TENM3: variants seen among roughly 807,000 people sequenced by gnomAD.
TENM3 encodes the protein teneurin-3.
TENM3 carries 63 observed loss-of-function variants against 255.1 expected under a neutral mutation model. That is an observed-to-expected ratio of 0.25 (90% CI 0.20 to 0.30). The LOEUF is 0.30. TENM3 is among the 10% of genes least tolerant of loss of function. The pLI is 1.00. For missense variants in TENM3, 2,929 were observed against 3,461.1 expected (o/e 0.85, Z 3.86); for synonymous variants, 1,306 against 1,322.3 (o/e 0.99, Z 0.27).
chr4:182,384,472 G>A (rs1394832264), intron 3 of TENM3, among the ~76,000 whole-genome samples: 1 of 152,074 alleles, frequency 6.6e-6, no homozygotes, highest in South Asian at 2.1e-4. Flanking sequence ...TATACTTAGT[G>A]CCCCCAAAAT....
At chr4:181,455,153 A>G in the TENM3 span, among the ~76,000 whole-genome samples, 1 of 152,126 alleles carries the variant, frequency 6.6e-6, no homozygotes, top group Non-Finnish European at 1.5e-5. Context: ...ATAGGTTACT[A>G]AAAGACATGT....
At chr4:181,939,504 G>A in the TENM3 span, among the ~76,000 whole-genome samples, 2 of 152,228 alleles carry the variant, frequency 1.3e-5, no homozygotes, top group Non-Finnish European at 2.9e-5. Context: ...ACAGTCAGGC[G>A]TGCCTGTGAA....
chr4:182,742,559 G>C (rs1220089868), intron 18 of TENM3, among the ~76,000 whole-genome samples: 2 of 152,084 alleles, frequency 1.3e-5, no homozygotes, highest in Non-Finnish European at 1.5e-5. Context: ...TTCTACCTTT[G>C]TTTTCCACAA....
intron 12 of TENM3, among the ~76,000 whole-genome samples, chr4:182,705,009 G>C (rs1240442742): frequency 6.6e-6 from 1 of 152,040 alleles, no homozygotes; most frequent in Non-Finnish European, 1.5e-5. Flanking sequence ...TTGTTTTATG[G>C]TGTTTAAAAT....
intron 3 of TENM3, among the ~76,000 whole-genome samples, chr4:182,463,697 C>T (rs1334268367): frequency 6.6e-6 from 1 of 151,670 alleles, no homozygotes; most frequent in African/African-American, 2.4e-5. Context: ...AATCTCGGCT[C>T]ACCGCAACCT....
the TENM3 span, among the ~76,000 whole-genome samples, chr4:182,099,222 C>T: frequency 6.6e-6 from 1 of 152,022 alleles, no homozygotes; most frequent in African/African-American, 2.4e-5. Context: ...CCTTGGCCTC[C>T]CAAAGTGCTA....
chr4:182,622,307 A>G (rs556987389), intron 4 of TENM3, among the ~76,000 whole-genome samples: 1 of 152,262 alleles, frequency 6.6e-6, no homozygotes, highest in East Asian at 1.9e-4. Context: ...AGATCACACC[A>G]CTTCACTCCA....
At chr4:181,490,549 G>C in the TENM3 span, among the ~76,000 whole-genome samples, 3 of 152,076 alleles carry the variant, frequency 2.0e-5, no homozygotes, top group Non-Finnish European at 4.4e-5. Flanking sequence ...CGGACTAATT[G>C]CCCTAATCCC....
chr4:182,449,203 C>T (rs1421031213), intron 3 of TENM3: 8 of 30,394 alleles, frequency 2.6e-4, no homozygotes, highest in Middle Eastern at 0.013. Flanking sequence ...GTGGCGGTGG[C>T]GGTGGTGGCG....
At chr4:181,778,773 G>T in the TENM3 span, among the ~76,000 whole-genome samples, 99 of 152,248 alleles carry the variant, frequency 6.5e-4, no homozygotes, top group African/African-American at 2.3e-3. Flanking sequence ...TCTCTGAATA[G>T]AAGTACCTTT....
chr4:181,539,707 A>C, the TENM3 span, among the ~76,000 whole-genome samples: 1 of 152,246 alleles, frequency 6.6e-6, no homozygotes, highest in African/African-American at 2.4e-5. Flanking sequence ...TAAATGGTCC[A>C]AAAGATAAAT....
At chr4:181,543,115 A>G in the TENM3 span, among the ~76,000 whole-genome samples, 1 of 152,214 alleles carries the variant, frequency 6.6e-6, no homozygotes, top group Admixed American at 6.5e-5. Flanking sequence ...ATACATGGAA[A>G]GACAGAACCC....
chr4:181,859,257 A>AAC, the TENM3 span, among the ~76,000 whole-genome samples: 1 of 150,904 alleles, frequency 6.6e-6, no homozygotes, highest in South Asian at 2.1e-4. Context: ...AAAAAAAAAA[A>AAC]AAAAAAAAAT....
the TENM3 span, among the ~76,000 whole-genome samples, chr4:182,081,507 C>A: frequency 1.3e-5 from 2 of 150,410 alleles, no homozygotes; most frequent in East Asian, 3.9e-4. Flanking sequence ...TCGCTTAAAC[C>A]CGGGAGGCGG....
At position 182,390,862 on chromosome 4, in the gene TENM3, CTG is replaced by C. The variant is rs574542432; in HGVS notation, c.511+43935_511+43936del. On this transcript the variant is annotated intron_variant, in intron 3 of 27. Transcript: ENST00000511685. ...CATGTCCCACTTGATATGATGATTA[CTG>C]TTAACTTTTGCCCAATCTGGAGCAA... Among the ~76,000 whole-genome samples the C allele has an allele frequency of 8.5e-4, 129 of 152,290 alleles. 1 individual carries two copies. The South Asian group carries it at 0.017, about 20-fold the overall frequency.
the TENM3 span, among the ~76,000 whole-genome samples, chr4:181,563,814 GAACCATACTGT>G: frequency 2.6e-5 from 4 of 152,098 alleles, no homozygotes; most frequent in African/African-American, 9.7e-5. Flanking sequence ...GTAGCATGCT[GAACCATACTGT>G]AACCATACAA....
At position 182,496,362 on chromosome 4, in the gene TENM3, C is replaced by G. The variant is rs77699844; in HGVS notation, c.512-104562C>G. Among the ~76,000 whole-genome samples, 3 of 151,998 alleles carry G rather than the reference C, an allele frequency of 2.0e-5. No homozygotes were observed. The East Asian group carries it at 5.8e-4, about 29-fold the overall frequency. ...AATGATATATCAGAATTTATTCAAA[C>G]CACTTTAAGCATACATTTTCCTGAG... On this transcript the variant is annotated intron_variant, in intron 3 of 27. Transcript: ENST00000511685.
intron 22 of TENM3, among the ~76,000 whole-genome samples, chr4:182,768,201 G>A (rs1161866802): frequency 2.6e-5 from 4 of 152,126 alleles, no homozygotes; most frequent in Admixed American, 6.5e-5. Flanking sequence ...TCATTTACAC[G>A]TACTTTTCTC....
the TENM3 span, among the ~76,000 whole-genome samples, chr4:181,685,883 T>C: frequency 3.3e-5 from 5 of 152,166 alleles, no homozygotes; most frequent in African/African-American, 1.2e-4. Flanking sequence ...CATCTACTAG[T>C]GGGTGTTCCT....
Sources: gnomAD v4.1 joint callset for allele counts (sites outside exome capture counted in the v4.1 genomes callset) on GRCh38, gnomAD v4.1.1 for gene constraint, MANE v1.5 for transcripts, NCBI Gene and HGNC (gene_info 2026-07-23, HGNC 2026-07-21) for gene names.